The following COQ10B variants were observed in gnomAD, a reference collection of about 807,000 sequenced individuals.
The protein encoded by COQ10B is coenzyme Q10B.
Under a neutral mutation model 27.6 loss-of-function variants are expected in COQ10B, and 12 were observed. That is an observed-to-expected ratio of 0.43 (90% confidence interval 0.28 to 0.70). The LOEUF (loss-of-function observed/expected upper bound fraction) is 0.70, where lower values mean the gene tolerates loss of function less well. Ranked by LOEUF, COQ10B falls within the 30% of genes least tolerant of loss-of-function variation. The pLI is 0.17. For missense variants in COQ10B, 278 were observed against 288.7 expected, an observed-to-expected ratio of 0.96 and a Z score of 0.27; for synonymous variants, 115 against 103.0, an observed-to-expected ratio of 1.12 and a Z score of -0.71.
intron 4 of COQ10B, among the ~76,000 whole-genome samples, chr2:197,471,924 A>G (rs2085881340): frequency 1.3e-5 from 2 of 150,060 alleles, no homozygotes; most frequent in South Asian, 4.2e-4. Context: ...CCTGGGTGAC[A>G]GAGTGAGACA....
At chr2:197,472,468 G>GGTGGATTGGACAAGCTT (rs1269416418) in intron 4 of COQ10B, among the ~76,000 whole-genome samples, 1 of 151,982 alleles carries the variant, frequency 6.6e-6, no homozygotes, top group African/African-American at 2.4e-5. Flanking sequence ...TACAAAATAA[G>GGTGGATTGGACAAGCTT]GTGGATTGGA....
chr2:197,454,209 C>T, intron 1 of COQ10B: 1 of 1,363,094 alleles, frequency 7.3e-7, no homozygotes, highest in East Asian at 2.6e-5. Flanking sequence ...CTTACAGGTC[C>T]TGTAACCTTG....
chr2:197,465,689 T>G (rs1289616262), intron 3 of COQ10B, among the ~76,000 whole-genome samples: 2 of 152,110 alleles, frequency 1.3e-5, no homozygotes, highest in Non-Finnish European at 2.9e-5. Flanking sequence ...GAAGGATCGC[T>G]TGAGCCCAGG....
chr2:197,453,822 T>G (rs1249262453), intron 1 of COQ10B, 158 bp downstream of exon 1: 1 of 1,035,830 alleles, frequency 9.7e-7, no homozygotes, highest in Non-Finnish European at 1.4e-6. Context: ...TCTGAGGGAC[T>G]CAAGAGCGGC....
intron 1 of COQ10B, among the ~76,000 whole-genome samples, chr2:197,456,142 C>T (rs939167816): frequency 6.6e-6 from 1 of 151,996 alleles, no homozygotes; most frequent in East Asian, 1.9e-4. Flanking sequence ...TTACACATGA[C>T]GAGTCCTCTC....
intron 1 of COQ10B, among the ~76,000 whole-genome samples, chr2:197,454,769 T>C (rs1281479811): frequency 2.6e-5 from 4 of 152,224 alleles, no homozygotes; most frequent in South Asian, 2.1e-4. Context: ...AGATAAATAC[T>C]GTTTATGATA....
rs926018670 is a variant in COQ10B, at chr2:197,464,762, G to C, written c.447+2031G>C. 5.9e-5 allele frequency among the ~76,000 whole-genome samples: 9 copies of C among 151,998 alleles called. No homozygotes were observed. The East Asian group carries it at 1.5e-3, about 26-fold the overall frequency. ...TAGAAGAGATAGAAAACTTGCCCAA[G>C]GTCACAGAGCCAAGACTCCAGCTGT... On this transcript the variant is annotated intron_variant, in intron 3 of 4. Transcript: ENST00000263960.
At chr2:197,453,849 C>A in intron 1 of COQ10B, 185 bp downstream of exon 1, 1 of 1,194,672 alleles carries the variant, frequency 8.4e-7, no homozygotes, top group Non-Finnish European at 1.2e-6. Context: ...CACCTTGGGC[C>A]CAAGGCTGTG....
intron 1 of COQ10B, 90 bp from the exon 2 acceptor site, chr2:197,459,842 A>G (rs567723973): frequency 3.1e-6 from 3 of 966,098 alleles, no homozygotes; most frequent in African/African-American, 3.4e-5. Context: ...AAAGCCTTAC[A>G]AAGTGGATAA....
At chr2:197,470,034 A>G in intron 3 of COQ10B, 36 bp from the exon 4 acceptor site, 10 of 1,283,944 alleles carry the variant, frequency 7.8e-6, no homozygotes, top group Non-Finnish European at 1.1e-5. Context: ...TAGCAAAGGT[A>G]TTTAACTGTG....
At chr2:197,461,794 C>G (rs2085762041) in intron 2 of COQ10B, among the ~76,000 whole-genome samples, 1 of 151,986 alleles carries the variant, frequency 6.6e-6, no homozygotes, top group South Asian at 2.1e-4. Context: ...GCGTGTGCCA[C>G]CACACCTGGC....
chr2:197,470,269 A>G, intron 4 of COQ10B, 98 bp downstream of exon 4: 5 of 639,966 alleles, frequency 7.8e-6, no homozygotes, highest in Non-Finnish European at 1.4e-5. Flanking sequence ...TATATTGAAT[A>G]CCTTTTTCTG....
At position 197,469,733 on chromosome 2, in the gene COQ10B, G is replaced by A. The variant is rs898377913; in HGVS notation, c.448-337G>A. Among the ~76,000 whole-genome samples, 8 of 152,094 alleles carry A rather than the reference G, an allele frequency of 5.3e-5. No homozygotes were observed. In the South Asian group the frequency reaches 6.2e-4, roughly 12 times the overall value. On this transcript the variant is annotated intron_variant, in intron 3 of 4. Coordinates refer to ENST00000263960, the MANE Select transcript of COQ10B (RefSeq NM_025147.5). ...GGGTATGGGGATTTAACTTGTTCACGATCACTTATATGTGGCAGAGCTAGA... is the reference window on the plus strand; with the variant it reads ...GGGTATGGGGATTTAACTTGTTCACAATCACTTATATGTGGCAGAGCTAGA...
At chr2:197,473,415 A>AAATATATATATATAT (rs1229206676) in intron 4 of COQ10B, among the ~76,000 whole-genome samples, 1 of 59,522 alleles carries the variant, frequency 1.7e-5, no homozygotes. Flanking sequence ...AAAAAAAAAA[A>AAATATATATATATAT]ATATATATAT....
intron 3 of COQ10B, 84 bp from the exon 4 acceptor site, chr2:197,469,986 T>C: frequency 1.3e-6 from 1 of 763,546 alleles, no homozygotes. Context: ...ATGAAAGAAA[T>C]CAGCCTCAGT....
chr2:197,473,413 AAAATATATATATATAT>A (rs2085901151), intron 4 of COQ10B, among the ~76,000 whole-genome samples: 1 of 58,640 alleles, frequency 1.7e-5, no homozygotes, highest in Non-Finnish European at 3.4e-5. Flanking sequence ...AAAAAAAAAA[AAAATATATATATATAT>A]ATATATATAT....
At chr2:197,455,830 C>T (rs2085692089) in intron 1 of COQ10B, among the ~76,000 whole-genome samples, 1 of 152,106 alleles carries the variant, frequency 6.6e-6, no homozygotes. Flanking sequence ...CTTGGTGGCG[C>T]ATGCCTGTGG....
intron 2 of COQ10B, among the ~76,000 whole-genome samples, chr2:197,462,079 C>T (rs2085766679): frequency 6.6e-6 from 1 of 152,004 alleles, no homozygotes; most frequent in Non-Finnish European, 1.5e-5. Context: ...ACCGTTCTGG[C>T]TAACACAGTG....
intron 3 of COQ10B, among the ~76,000 whole-genome samples, chr2:197,468,921 C>T (rs997992787): frequency 2.6e-5 from 4 of 152,110 alleles, no homozygotes; most frequent in Admixed American, 6.6e-5. Context: ...AGGGTCATAA[C>T]GAGCATAATC....
Sources: allele counts gnomAD v4.1 joint callset (sites outside exome capture counted in the v4.1 genomes callset), GRCh38; gene constraint gnomAD v4.1.1; transcripts MANE v1.5; gene names NCBI Gene and HGNC (gene_info 2026-07-23, HGNC 2026-07-21).